The following UPF3B variants were observed in gnomAD, a reference collection of about 807,000 sequenced individuals.
UPF3B encodes regulator of nonsense transcripts 3B.
In UPF3B, 7 loss-of-function variants were observed where a neutral mutation model predicts 40.3. That is an observed-to-expected ratio of 0.17 (90% confidence interval 0.10 to 0.33). UPF3B has a LOEUF of 0.33. Ranked by LOEUF, UPF3B falls within the 10% of genes least tolerant of loss-of-function variation. The pLI is 1.00. For missense variants in UPF3B, 229 were observed against 358.9 expected, an observed-to-expected ratio of 0.64 and a Z score of 2.93; for synonymous variants, 117 against 117.3, an observed-to-expected ratio of 1.00 and a Z score of 0.01.
chrX:119,847,417 C>T (rs2056248172), intron 3 of UPF3B, among the ~76,000 whole-genome samples: 1 of 108,521 alleles, frequency 9.2e-6, no homozygotes, highest in Non-Finnish European at 1.9e-5. Context: ...ATTGTACTTA[C>T]TCCAGCCTGG....
At chrX:119,849,700 A>T (rs2056277835) in intron 3 of UPF3B, among the ~76,000 whole-genome samples, 1 of 110,555 alleles carries the variant, frequency 9.0e-6, no homozygotes, top group South Asian at 3.8e-4. Context: ...TTTTCCCCCA[A>T]CTGTTAATTT....
chrX:119,832,506 ACCGTGGCTT>A (rs1386072652), downstream of UPF3B, among the ~76,000 whole-genome samples: 715 of 111,714 alleles, frequency 6.4e-3, 8 homozygotes, highest in African/African-American at 0.022. Flanking sequence ...TGATCCACCC[ACCGTGGCTT>A]CCGTGGCTTT....
intron 4 of UPF3B, among the ~76,000 whole-genome samples, chrX:119,822,388 C>T (rs1303235506): frequency 8.9e-6 from 1 of 112,922 alleles, no homozygotes; most frequent in Non-Finnish European, 1.9e-5. Flanking sequence ...GATTTTAAAA[C>T]CAGCTCTTAC....
downstream of UPF3B, among the ~76,000 whole-genome samples, chrX:119,831,406 C>T (rs2056035439): frequency 9.1e-6 from 1 of 110,010 alleles, no homozygotes; most frequent in Non-Finnish European, 1.9e-5. Flanking sequence ...ACTGCAACCT[C>T]TGCCTCCTAG....
Position 119,841,064 on chromosome X carries a change from AC to A in UPF3B, c.807+11del. On this transcript the variant is annotated intron_variant, in intron 7 of 10. Coordinates refer to ENST00000276201, the MANE Select transcript of UPF3B (RefSeq NM_080632.3). ...TTTTAGCAACATGCAGTCAGTTTCA[AC>A]ATTCTTATACCTTAATCTTTGGTTC... The A allele has an allele frequency of 8.3e-7, 1 of 1,208,706 alleles. No individual in the cohort carries two copies. The highest frequency in any genetic ancestry group is 3.0e-5 in the East Asian group (1 of 33,784).
intron 8 of UPF3B, among the ~76,000 whole-genome samples, chrX:119,839,222 G>A (rs1374402512): frequency 3.6e-5 from 4 of 112,192 alleles, no homozygotes; most frequent in African/African-American, 9.7e-5. Flanking sequence ...TGTTGGGACT[G>A]TTTTTATGTA....
At chrX:119,839,390 A>G (rs959563959) in intron 8 of UPF3B, among the ~76,000 whole-genome samples, 10 of 112,518 alleles carry the variant, frequency 8.9e-5, no homozygotes, top group African/African-American at 2.9e-4. Flanking sequence ...AAAAATCTAA[A>G]GGCCTTATAC....
chrX:119,807,508 G>A, exon 6 of UPF3B: 16 of 871,305 alleles, frequency 1.8e-5, no homozygotes, highest in Non-Finnish European at 2.3e-5. Context: ...CTCCAGATTG[G>A]TGCTGCCATC....
At chrX:119,807,294 C>A in intron 6 of UPF3B, among the ~76,000 whole-genome samples, 1 of 111,867 alleles carries the variant, frequency 8.9e-6, no homozygotes. Context: ...TGACACAAGA[C>A]TTACTCCTCT....
In UPF3B at chrX:119,850,070, G is replaced by A. The variant is rs2056284163; in HGVS notation, c.370+1425C>T. Reference sequence around the variant, plus strand: ...TTTGGGAGGCTGAGGTGGGGGGGGGGAAATCACTTGAGCCCAGGAGTTCAA... The same window carrying A: ...TTTGGGAGGCTGAGGTGGGGGGGGGAAAATCACTTGAGCCCAGGAGTTCAA... On this transcript the variant is annotated intron_variant, in intron 3 of 10. Transcript: ENST00000276201. Among the ~76,000 whole-genome samples the A allele has an allele frequency of 2.8e-5, 3 of 105,907 alleles. No homozygotes were observed. The South Asian group carries it at 1.3e-3, about 44-fold the overall frequency. The allele number at this position is 105,907 out of a possible 115,157, so 92.0% of individuals were successfully genotyped here. A position where few individuals can be genotyped will look rare whatever the true frequency, so the allele number is the denominator to read the frequency against.
At chrX:119,827,744 T>C (rs748236875) in intron 3 of UPF3B, among the ~76,000 whole-genome samples, 1 of 110,700 alleles carries the variant, frequency 9.0e-6, no homozygotes, top group South Asian at 3.9e-4. Flanking sequence ...CTCTTCTTTA[T>C]TTTTTTGAGA....
At chrX:119,818,744 G>A (rs1280396449) in intron 4 of UPF3B, among the ~76,000 whole-genome samples, 2 of 112,129 alleles carry the variant, frequency 1.8e-5, no homozygotes, top group Non-Finnish European at 3.8e-5. Context: ...AAACAAGTGA[G>A]ATCTATTACG....
chrX:119,843,332 T>C (rs1021173922), intron 4 of UPF3B, 31 bp from the exon 5 acceptor site: 4 of 935,157 alleles, frequency 4.3e-6, no homozygotes, highest in African/African-American at 3.9e-5. Context: ...ACAGAAAATA[T>C]AATAGACTTT....
intron 6 of UPF3B, among the ~76,000 whole-genome samples, chrX:119,807,053 A>AAG (rs2055798680): frequency 3.7e-5 from 3 of 80,041 alleles, no homozygotes; most frequent in African/African-American, 2.1e-4. Flanking sequence ...AAAAAAAAAG[A>AAG]AAAAAAAAAA....
Position 119,851,823 on chromosome X carries a change from T to A in UPF3B, c.207A>T (p.Glu69Asp). 8.4e-7 allele frequency: 1 copy of A among 1,193,495 alleles called. No individual in the cohort carries two copies. The highest frequency in any genetic ancestry group is 1.1e-6 in the Non-Finnish European group (1 of 887,748). The change falls in exon 2 of 11, where the codon GAA (glutamate) becomes GAT (aspartate). Residue 69 changes from glutamate to aspartate, a missense_variant. Coordinates refer to ENST00000276201, the MANE Select transcript of UPF3B (RefSeq NM_080632.3). ...CATGCTCAGGCATAGGTTGAAGATG[T>A]TCCTGAAGCTGCTCCTTGGTCAAAG... The part of the protein sequence containing the change: ...PPTLTKEQLQ[E>D]HLQPMPEHDY...
At chrX:119,845,323 G>A (rs889996632) in intron 3 of UPF3B, 27 bp from the exon 4 acceptor site, 1 of 1,120,362 alleles carries the variant, frequency 8.9e-7, no homozygotes, top group Non-Finnish European at 1.2e-6. Flanking sequence ...TACCACACTT[G>A]CTATAACAAA....
intron 4 of UPF3B, among the ~76,000 whole-genome samples, chrX:119,844,975 T>C (rs139183200): frequency 2.3e-4 from 26 of 112,631 alleles, no homozygotes; most frequent in African/African-American, 8.4e-4. Flanking sequence ...TGTTCAATGG[T>C]TGAAGAATGA....
At chrX:119,837,717 GA>G (rs768747178) in intron 10 of UPF3B, 39 bp downstream of exon 10, 5 of 1,195,887 alleles carry the variant, frequency 4.2e-6, no homozygotes, top group South Asian at 1.8e-5. Context: ...CAGGAAAAGG[GA>G]AAAAAACCCT....
At chrX:119,838,125 G>T in intron 9 of UPF3B, 74 bp from the exon 10 acceptor site, 1 of 1,160,671 alleles carries the variant, frequency 8.6e-7, no homozygotes. Flanking sequence ...CTGTGATTCT[G>T]ATTTGGCCCC....
Sources: gnomAD v4.1 joint callset for allele counts (sites outside exome capture counted in the v4.1 genomes callset) on GRCh38, gnomAD v4.1.1 for gene constraint, MANE v1.5 for transcripts, NCBI Gene and HGNC (gene_info 2026-07-23, HGNC 2026-07-21) for gene names.